Variants in IGF2BP2 observed in about 807,000 individuals in gnomAD.
IGF2BP2 encodes the protein insulin-like growth factor 2 mRNA-binding protein 2.
A neutral mutation model predicts 75.8 loss-of-function variants in IGF2BP2; 17 were observed. The observed-to-expected ratio is 0.22, with a 90% CI of 0.15 to 0.34. The LOEUF (loss-of-function observed/expected upper bound fraction) is 0.34. Ranked by LOEUF, IGF2BP2 falls within the 10% of genes least tolerant of loss-of-function variation. The pLI is 1.00. For synonymous variants in IGF2BP2, 288 were observed against 295.6 expected (o/e 0.97, Z 0.26); for missense variants, 516 against 772.4 (o/e 0.67, Z 3.93).
At chr3:185,703,816 G>A (rs1723638818) in intron 2 of IGF2BP2, among the ~76,000 whole-genome samples, 1 of 152,134 alleles carries the variant, frequency 6.6e-6, no homozygotes, top group African/African-American at 2.4e-5. Flanking sequence ...CAAAACACCT[G>A]CTTTGGTGTG....
At chr3:185,800,566 A>G (rs1335319999) in intron 2 of IGF2BP2, among the ~76,000 whole-genome samples, 5 of 152,052 alleles carry the variant, frequency 3.3e-5, no homozygotes, top group Non-Finnish European at 7.4e-5. Flanking sequence ...GTGAAATCCC[A>G]TCTTTACCAA....
At chr3:185,792,434 G>A (rs184106188) in intron 2 of IGF2BP2, among the ~76,000 whole-genome samples, 8 of 151,822 alleles carry the variant, frequency 5.3e-5, no homozygotes, top group South Asian at 2.1e-4. Flanking sequence ...GCGAAACCCC[G>A]TCTCTACTAA....
At chr3:185,681,594 T>A (rs533309065) in intron 7 of IGF2BP2, among the ~76,000 whole-genome samples, 104 of 152,340 alleles carry the variant, frequency 6.8e-4, no homozygotes, top group African/African-American at 2.4e-3. Flanking sequence ...ATATGGAATC[T>A]CAAGGGACCT....
rs1410500526 is a variant in IGF2BP2, at chr3:185,644,596, G to GGA, written c.*934_*935insTC. On this transcript the variant is annotated 3_prime_UTR_variant, in exon 16 of 16. Coordinates refer to ENST00000382199, the MANE Select transcript of IGF2BP2 (RefSeq NM_006548.6). ...TCAGAGCACTGCTTTGCCTGGGGGGGGGGGGGTGCGTAGATACGGGATTGA... is the reference window on the plus strand; with the variant it reads ...TCAGAGCACTGCTTTGCCTGGGGGGGGAGGGGGGTGCGTAGATACGGGATTGA... 6.9e-6 allele frequency: 1 copy of GGA among 145,724 alleles called. No homozygotes were observed. Among genetic ancestry groups the GGA allele is most frequent in the African/African-American group, 2.5e-5 (1 of 39,416 alleles). The allele number at this position is 145,724 out of a possible 1,614,324, so 9.0% of individuals were successfully genotyped here. A position where few individuals can be genotyped will look rare whatever the true frequency, so the allele number is the denominator to read the frequency against.
chr3:185,805,742 G>A (rs1041909908), intron 2 of IGF2BP2, among the ~76,000 whole-genome samples: 11 of 151,824 alleles, frequency 7.2e-5, no homozygotes, highest in East Asian at 1.9e-4. Flanking sequence ...CTCTTAACTC[G>A]GGAAGATTAC....
Position 185,737,564 on chromosome 3 carries a change from CAT to C in IGF2BP2, c.240-39219_240-39218del, listed in dbSNP as rs1353429734. Among the ~76,000 whole-genome samples the C allele has an allele frequency of 9.9e-5, 15 of 152,206 alleles. No homozygotes were observed. The South Asian group carries it at 1.4e-3, about 15-fold the overall frequency. ...TATAGTATTTGCACAATATTAAAAA[CAT>C]AAACAAAAAAATTGGAAACAAGTAT... On this transcript the variant is annotated intron_variant, in intron 2 of 15. Transcript: ENST00000382199.
chr3:185,659,165 G>C (rs1289461414), intron 10 of IGF2BP2, among the ~76,000 whole-genome samples: 1 of 152,098 alleles, frequency 6.6e-6, no homozygotes, highest in Non-Finnish European at 1.5e-5. Context: ...GCTGCAGTGA[G>C]CTATGATTGC....
chr3:185,731,332 C>T (rs1442565777), intron 2 of IGF2BP2, among the ~76,000 whole-genome samples: 1 of 151,486 alleles, frequency 6.6e-6, no homozygotes, highest in African/African-American at 2.4e-5. Context: ...CTGCGGCCTC[C>T]GCCTCCTGGG....
chr3:185,669,809 G>A (rs1205695143), intron 10 of IGF2BP2, among the ~76,000 whole-genome samples: 1 of 152,188 alleles, frequency 6.6e-6, no homozygotes, highest in African/African-American at 2.4e-5. Flanking sequence ...AGTATTTAAA[G>A]TATCTCCACC....
chr3:185,809,431 A>G (rs1739500472), intron 2 of IGF2BP2, among the ~76,000 whole-genome samples: 1 of 152,206 alleles, frequency 6.6e-6, no homozygotes, highest in African/African-American at 2.4e-5. Flanking sequence ...TAAAATGCCC[A>G]TGAAGAAATG....
chr3:185,779,124 T>C (rs1734891774), intron 2 of IGF2BP2, among the ~76,000 whole-genome samples: 2 of 152,236 alleles, frequency 1.3e-5, no homozygotes, highest in Admixed American at 6.5e-5. Context: ...AAAAATACTT[T>C]GATATGCTAA....
chr3:185,766,503 A>G (rs887714249), intron 2 of IGF2BP2, among the ~76,000 whole-genome samples: 8 of 152,154 alleles, frequency 5.3e-5, no homozygotes, highest in African/African-American at 1.9e-4. Flanking sequence ...TTCAAATCTC[A>G]GTGTCCATAA....
intron 2 of IGF2BP2, among the ~76,000 whole-genome samples, chr3:185,794,920 C>T (rs752808190): frequency 6.0e-5 from 9 of 151,086 alleles, no homozygotes; most frequent in South Asian, 2.1e-4. Context: ...TTTTTTGAGG[C>T]GGAGTCTCAC....
chr3:185,771,439 CAAAA>C (rs1409378378), intron 2 of IGF2BP2, among the ~76,000 whole-genome samples: 2 of 78,356 alleles, frequency 2.6e-5, no homozygotes. Flanking sequence ...GACTTCGTCT[CAAAA>C]AAAAAAAAAA....
intron 10 of IGF2BP2, among the ~76,000 whole-genome samples, chr3:185,663,183 G>A (rs528419531): frequency 6.6e-6 from 1 of 152,346 alleles, no homozygotes; most frequent in East Asian, 1.9e-4. Flanking sequence ...TGACCCCAAT[G>A]TGGCCATTAG....
intron 2 of IGF2BP2, among the ~76,000 whole-genome samples, chr3:185,710,152 ATT>A (rs567527407): frequency 3.8e-4 from 45 of 117,520 alleles, no homozygotes; most frequent in South Asian, 5.2e-4. Flanking sequence ...GTAGTTTTAG[ATT>A]TTTTTTTTTT....
At chr3:185,758,074 G>A (rs1008879448) in intron 2 of IGF2BP2, among the ~76,000 whole-genome samples, 2 of 152,210 alleles carry the variant, frequency 1.3e-5, no homozygotes, top group Non-Finnish European at 1.5e-5. Flanking sequence ...TAGGCACTGA[G>A]AGCACTTTGT....
intron 2 of IGF2BP2, among the ~76,000 whole-genome samples, chr3:185,779,996 T>C (rs1340505459): frequency 1.3e-5 from 2 of 152,132 alleles, no homozygotes; most frequent in Non-Finnish European, 2.9e-5. Flanking sequence ...AGCCTAACCA[T>C]AGGCAAATGG....
At chr3:185,786,580 T>C (rs1228022026) in intron 2 of IGF2BP2, among the ~76,000 whole-genome samples, 2 of 141,164 alleles carry the variant, frequency 1.4e-5, no homozygotes, top group African/African-American at 6.4e-5. Flanking sequence ...TGATTGTAAT[T>C]TTCCACTACC....
Sources: allele counts gnomAD v4.1 joint callset (sites outside exome capture counted in the v4.1 genomes callset), GRCh38; gene constraint gnomAD v4.1.1; transcripts MANE v1.5; gene names NCBI Gene and HGNC (gene_info 2026-07-23, HGNC 2026-07-21).